The following BMPER variants were observed in gnomAD, a reference collection of about 807,000 sequenced individuals.
BMPER encodes the protein BMP binding endothelial regulator.
In BMPER, 45 loss-of-function variants were observed where a neutral mutation model predicts 87.3. That is an observed-to-expected ratio of 0.52 (90% CI 0.41 to 0.66). The LOEUF (loss-of-function observed/expected upper bound fraction) is 0.66, where lower values mean the gene tolerates loss of function less well. Ranked by LOEUF, BMPER falls within the 30% of genes least tolerant of loss-of-function variation. BMPER has a pLI of 0.00. For synonymous variants in BMPER, 326 were observed against 316.2 expected (o/e 1.03, Z -0.33); for missense variants, 784 against 867.5 (o/e 0.90, Z 1.21).
intron 6 of BMPER, among the ~76,000 whole-genome samples, chr7:34,007,554 A>G (rs924795367): frequency 4.6e-5 from 7 of 151,912 alleles, no homozygotes; most frequent in South Asian, 2.1e-4. Context: ...AGTATTCTAT[A>G]TGTTCTGTTC....
At chr7:33,962,859 C>G (rs186836980) in intron 3 of BMPER, among the ~76,000 whole-genome samples, 83 of 151,844 alleles carry the variant, frequency 5.5e-4, no homozygotes, top group African/African-American at 1.6e-3. Flanking sequence ...ATTTACCTGA[C>G]CAGTCATCTA....
At chr7:34,132,480 T>C (rs988600975) in intron 13 of BMPER, among the ~76,000 whole-genome samples, 3 of 152,184 alleles carry the variant, frequency 2.0e-5, no homozygotes, top group Non-Finnish European at 4.4e-5. Flanking sequence ...GCCAGGTTCT[T>C]CTTTCTTTCT....
chr7:33,993,603 CCTT>C (rs1340777100), intron 6 of BMPER, among the ~76,000 whole-genome samples: 1 of 151,930 alleles, frequency 6.6e-6, no homozygotes, highest in Non-Finnish European at 1.5e-5. Context: ...TCGTCTGAAG[CCTT>C]CTTCTCTCAG....
chr7:34,035,419 T>G lies in BMPER; in HGVS notation c.577-10887T>G, dbSNP rs1787636129. 1.3e-5 allele frequency among the ~76,000 whole-genome samples: 2 copies of G among 152,228 alleles called. 1 individual carries two copies. The highest frequency in any genetic ancestry group is 4.1e-4 in the South Asian group (2 of 4,830). ...GGGTGAACAAAAAGGATGCCGTGAC[T>G]TCAATTGCTATTTAGAAATGAAAAT... On this transcript the variant is annotated intron_variant, in intron 6 of 14. Coordinates refer to ENST00000649409, the MANE Select transcript of BMPER (RefSeq NM_001365308.1).
chr7:34,054,521 T>C (rs1275147528), intron 8 of BMPER, among the ~76,000 whole-genome samples: 1 of 152,160 alleles, frequency 6.6e-6, no homozygotes, highest in African/African-American at 2.4e-5. Context: ...TTTTTTGAAA[T>C]CAAATCACAC....
intron 6 of BMPER, among the ~76,000 whole-genome samples, chr7:34,003,893 C>T (rs1482401850): frequency 2.0e-5 from 3 of 152,026 alleles, no homozygotes; most frequent in African/African-American, 7.2e-5. Flanking sequence ...ATTTCTTTCA[C>T]TTTATCCTGC....
intron 14 of BMPER, among the ~76,000 whole-genome samples, chr7:34,149,012 A>G (rs1344443939): frequency 6.6e-6 from 1 of 152,190 alleles, no homozygotes; most frequent in East Asian, 1.9e-4. Context: ...TGGGTTGAAT[A>G]TCATTAATAT....
chr7:34,114,343 G>A (rs976177174), intron 13 of BMPER, among the ~76,000 whole-genome samples: 4 of 152,172 alleles, frequency 2.6e-5, no homozygotes, highest in Admixed American at 6.5e-5. Flanking sequence ...TCATCCCTTT[G>A]TATGTCTGTT....
chr7:33,909,790 C>T (rs1047320863), intron 2 of BMPER, among the ~76,000 whole-genome samples: 10 of 151,668 alleles, frequency 6.6e-5, no homozygotes, highest in Admixed American at 2.0e-4. Context: ...TATATAATTA[C>T]AGAGTAAAAG....
intron 13 of BMPER, among the ~76,000 whole-genome samples, chr7:34,096,926 G>A (rs1237929639): frequency 6.6e-6 from 1 of 152,204 alleles, no homozygotes; most frequent in Non-Finnish European, 1.5e-5. Context: ...AAGACACCAG[G>A]CACTGTTCAA....
chr7:33,965,425 G>A (rs932831023), intron 3 of BMPER, among the ~76,000 whole-genome samples: 2 of 151,894 alleles, frequency 1.3e-5, no homozygotes, highest in African/African-American at 4.8e-5. Flanking sequence ...TTATCTAAAA[G>A]TTCTCATGGA....
chr7:34,086,745 G>T (rs940430795), intron 13 of BMPER, among the ~76,000 whole-genome samples: 1 of 152,104 alleles, frequency 6.6e-6, no homozygotes, highest in South Asian at 2.1e-4. Context: ...CCCCTTCCAC[G>T]CAAAGCAACT....
At chr7:34,126,400 TTTTTGG>T (rs1398305813) in intron 13 of BMPER, among the ~76,000 whole-genome samples, 1 of 152,224 alleles carries the variant, frequency 6.6e-6, no homozygotes, top group Non-Finnish European at 1.5e-5. Flanking sequence ...TGATGAGATA[TTTTTGG>T]AAACTTTTGA....
At chr7:33,958,016 G>A (rs1471521592) in intron 3 of BMPER, among the ~76,000 whole-genome samples, 1 of 152,008 alleles carries the variant, frequency 6.6e-6, no homozygotes, top group Non-Finnish European at 1.5e-5. Flanking sequence ...GGAGACGGAG[G>A]GTTCCATTCT....
intron 2 of BMPER, among the ~76,000 whole-genome samples, chr7:33,909,106 A>T (rs190041664): frequency 6.6e-6 from 1 of 152,108 alleles, no homozygotes; most frequent in African/African-American, 2.4e-5. Flanking sequence ...ATTTTATTTT[A>T]TTTTTGCTTG....
intron 6 of BMPER, among the ~76,000 whole-genome samples, chr7:34,040,241 G>A (rs1787799300): frequency 6.6e-6 from 1 of 152,254 alleles, no homozygotes; most frequent in Non-Finnish European, 1.5e-5. Flanking sequence ...GCTGCCTGGT[G>A]AAGAAGCATT....
Position 34,139,380 on chromosome 7 carries a change from A to G in BMPER, c.1746-3850A>G, listed in dbSNP as rs140626240. On this transcript the variant is annotated intron_variant, in intron 13 of 14. Transcript: ENST00000649409. The stretch of plus-strand genomic sequence containing the variant: ...AAGCTCTCATTTACTCCCATTCTTT[A>G]CTTTCCCACTATCATTCTGAAATTC... Among the ~76,000 whole-genome samples, 337 of 152,332 alleles carry G rather than the reference A, an allele frequency of 2.2e-3. 2 individuals carry two copies. The highest frequency in any genetic ancestry group is 7.8e-3 in the African/African-American group (323 of 41,580).
intron 14 of BMPER, among the ~76,000 whole-genome samples, chr7:34,151,630 G>T (rs1791179435): frequency 6.6e-6 from 1 of 152,168 alleles, no homozygotes; most frequent in African/African-American, 2.4e-5. Context: ...TGGTATATCA[G>T]ACAGCAGCCA....
At chr7:34,018,027 G>A (rs576529152) in intron 6 of BMPER, among the ~76,000 whole-genome samples, 6 of 151,408 alleles carry the variant, frequency 4.0e-5, no homozygotes, top group African/African-American at 1.2e-4. Context: ...GGGCAAGGGT[G>A]CATTACTTCA....
Sources: gnomAD v4.1 joint callset for allele counts (sites outside exome capture counted in the v4.1 genomes callset) on GRCh38, gnomAD v4.1.1 for gene constraint, MANE v1.5 for transcripts, NCBI Gene and HGNC (gene_info 2026-07-23, HGNC 2026-07-21) for gene names.